Variants in DESI1 observed in about 807,000 individuals in gnomAD.
DESI1 encodes the protein PPPDE peptidase domain containing 2.
Under a neutral mutation model 22.4 loss-of-function variants are expected in DESI1, and 17 were observed. That is an observed-to-expected ratio of 0.76 (90% CI 0.52 to 1.14). The LOEUF is 1.14. DESI1 is among the 50% of genes most tolerant of loss of function. The pLI is 0.00. For missense variants in DESI1, 177 were observed against 208.9 expected (o/e 0.85, Z 0.94); for synonymous variants, 92 against 84.2 (o/e 1.09, Z -0.51).
intron 1 of DESI1, 61 bp downstream of exon 1, chr22:41,620,691 C>A: frequency 6.6e-7 from 1 of 1,520,588 alleles, no homozygotes. Flanking sequence ...CCCACCTCGG[C>A]CAGCCGCCAC....
At chr22:41,603,921 CA>C in intron 4 of DESI1, 122 bp downstream of exon 4, 1 of 800,014 alleles carries the variant, frequency 1.2e-6, no homozygotes, top group Non-Finnish European at 1.9e-6. Flanking sequence ...GTTAATTCAG[CA>C]AAAAACTGGG....
chr22:41,612,328 G>A (rs575697017), intron 1 of DESI1, among the ~76,000 whole-genome samples: 7 of 151,898 alleles, frequency 4.6e-5, no homozygotes, highest in Non-Finnish European at 1.0e-4. Context: ...GGCCAACATG[G>A]TGAAACCCCA....
At chr22:41,602,786 G>A (rs898057828) in intron 5 of DESI1, 44 of 1,027,666 alleles carry the variant, frequency 4.3e-5, no homozygotes, top group Non-Finnish European at 5.0e-5. Flanking sequence ...AGACTGTGCT[G>A]TAATACATGA....
chr22:41,605,104 C>G (rs1409605937), intron 3 of DESI1, among the ~76,000 whole-genome samples: 1 of 152,178 alleles, frequency 6.6e-6, no homozygotes, highest in Non-Finnish European at 1.5e-5. Flanking sequence ...GGCCATCTCT[C>G]CATGCCTATT....
In DESI1 at chr22:41,603,386, A is replaced by C. The variant is rs1172397671; in HGVS notation, c.291-5T>G. Reference sequence around the variant, plus strand: ...AAGAGGTTGTAGGCCTCACCTCTGTACATTGAAAGGTTTGCAGAACATATA... The same window carrying C: ...AAGAGGTTGTAGGCCTCACCTCTGTCCATTGAAAGGTTTGCAGAACATATA... On this transcript the variant is annotated splice_region_variant and splice_polypyrimidine_tract_variant and intron_variant, in intron 4 of 5. Transcript: ENST00000263256. The C allele has an allele frequency of 6.2e-6, 10 of 1,614,212 alleles. No homozygotes were observed. Among genetic ancestry groups the C allele is most frequent in the South Asian group, 1.1e-5 (1 of 91,086 alleles).
At chr22:41,606,965 A>AGG (rs1235187790) in intron 3 of DESI1, among the ~76,000 whole-genome samples, 3 of 151,968 alleles carry the variant, frequency 2.0e-5, no homozygotes, top group Admixed American at 1.3e-4. Flanking sequence ...GACACTGTGC[A>AGG]GGGGATGGAG....
intron 5 of DESI1, chr22:41,602,876 C>T (rs1051994422): frequency 4.3e-6 from 4 of 936,408 alleles, no homozygotes; most frequent in Admixed American, 4.6e-5. Flanking sequence ...ACAAAACAAG[C>T]CCCCCTACTA....
At chr22:41,612,283 C>T (rs990599007) in intron 1 of DESI1, among the ~76,000 whole-genome samples, 3 of 151,668 alleles carry the variant, frequency 2.0e-5, no homozygotes, top group Non-Finnish European at 3.0e-5. Context: ...CAGAGGCGGG[C>T]GGATCACCTG....
In DESI1 at chr22:41,600,881, A is replaced by AAT; in HGVS notation, c.*215_*216insAT. The stretch of plus-strand genomic sequence containing the variant: ...AACGCACAGACAAGACAGCCTTAAT[A>AAT]AATTAGTATAATACTATTAGAAGGG... On this transcript the variant is annotated 3_prime_UTR_variant, in exon 6 of 6. Transcript: ENST00000263256. The AAT allele has an allele frequency of 1.9e-6, 1 of 530,398 alleles. No individual in the cohort carries two copies. The highest frequency in any genetic ancestry group is 2.2e-5 in the South Asian group (1 of 45,404). The allele number at this position is 530,398 out of a possible 1,614,324, so 32.9% of individuals were successfully genotyped here. A position where few individuals can be genotyped will look rare whatever the true frequency, so the allele number is the denominator to read the frequency against.
intron 1 of DESI1, among the ~76,000 whole-genome samples, chr22:41,615,070 G>A (rs1168231056): frequency 2.0e-5 from 3 of 150,520 alleles, no homozygotes; most frequent in Non-Finnish European, 4.4e-5. Context: ...AGGCTGAGGC[G>A]GGCGGATCAC....
chr22:41,611,691 C>T (rs2067518502), intron 1 of DESI1, among the ~76,000 whole-genome samples: 2 of 149,344 alleles, frequency 1.3e-5, no homozygotes, highest in South Asian at 4.2e-4. Flanking sequence ...CTCCCAGGTT[C>T]AAGTGATTCT....
Position 41,620,955 on chromosome 22 carries a change from C to T in DESI1, c.-116G>A, listed in dbSNP as rs2067591777. The T allele has an allele frequency of 1.7e-6, 2 of 1,183,958 alleles. No homozygotes were observed. The highest frequency in any genetic ancestry group is 1.2e-6 in the Non-Finnish European group (1 of 844,676). The allele number at this position is 1,183,958 out of a possible 1,614,324, so 73.3% of individuals were successfully genotyped here. A position where few individuals can be genotyped will look rare whatever the true frequency, so the allele number is the denominator to read the frequency against. On this transcript the variant is annotated 5_prime_UTR_variant, in exon 1 of 6. Transcript: ENST00000263256. ...GGAGAGGGGGGGACCGAGCCCGGGC[C>T]CGGGCTGAGGGGTGGGGGAGAGGCC...
chr22:41,607,425 G>T, intron 2 of DESI1, 94 bp from the exon 3 acceptor site: 3 of 1,262,472 alleles, frequency 2.4e-6, no homozygotes, highest in Non-Finnish European at 3.3e-6. Flanking sequence ...TCTGCCCAAG[G>T]ATAGGACTGT....
intron 1 of DESI1, among the ~76,000 whole-genome samples, chr22:41,616,250 A>C (rs1242459940): frequency 2.0e-5 from 3 of 152,214 alleles, no homozygotes; most frequent in Non-Finnish European, 4.4e-5. Context: ...CCTCAAAAAA[A>C]GAAAAATTCC....
In DESI1 at chr22:41,598,932, G is replaced by A. The variant is rs2067434836; in HGVS notation, c.*2165C>T. ...TATTTCCATGCACACTGGCAAATCAGTGGGTCTTGAGAAGAATTAAACTTT... is the reference window on the plus strand; with the variant it reads ...TATTTCCATGCACACTGGCAAATCAATGGGTCTTGAGAAGAATTAAACTTT... On this transcript the variant is annotated 3_prime_UTR_variant, in exon 6 of 6. Coordinates refer to ENST00000263256, the MANE Select transcript of DESI1 (RefSeq NM_015704.3). 1 of 152,260 alleles carries A rather than the reference G, an allele frequency of 6.6e-6. No homozygotes were observed. Among genetic ancestry groups the A allele is most frequent in the Non-Finnish European group, 1.5e-5 (1 of 68,058 alleles). 9.4% of individuals were successfully genotyped at this position (152,260 alleles called of 1,614,324 possible).
intron 4 of DESI1, 96 bp downstream of exon 4, chr22:41,603,948 A>T: frequency 1.8e-6 from 2 of 1,094,138 alleles, no homozygotes; most frequent in Non-Finnish European, 2.6e-6. Flanking sequence ...CCTTGTGCTG[A>T]GTGATAAGGA....
intron 1 of DESI1, among the ~76,000 whole-genome samples, chr22:41,612,831 T>G (rs1342615298): frequency 6.6e-6 from 1 of 151,136 alleles, no homozygotes; most frequent in Non-Finnish European, 1.5e-5. Flanking sequence ...GCTCAAGTGA[T>G]CCTCCCACCT....
At chr22:41,605,578 G>T (rs2067474414) in intron 3 of DESI1, among the ~76,000 whole-genome samples, 1 of 152,200 alleles carries the variant, frequency 6.6e-6, no homozygotes. Context: ...TCTCAGAGTT[G>T]TAAGAAACTA....
chr22:41,620,741 T>A lies in DESI1; in HGVS notation c.88+11A>T. ...CCCGCCCTCCTGCCCACCTGGCCCCTTCCCCCTCACCCAGCATGATGGGGC... is the reference window on the plus strand; with the variant it reads ...CCCGCCCTCCTGCCCACCTGGCCCCATCCCCCTCACCCAGCATGATGGGGC... On this transcript the variant is annotated intron_variant, in intron 1 of 5. Coordinates refer to ENST00000263256, the MANE Select transcript of DESI1 (RefSeq NM_015704.3). 2 of 1,602,152 alleles carry A rather than the reference T, an allele frequency of 1.2e-6. No homozygotes were observed. Among genetic ancestry groups the A allele is most frequent in the Non-Finnish European group, 1.7e-6 (2 of 1,174,722 alleles).
Sources: gnomAD v4.1 joint callset for allele counts (sites outside exome capture counted in the v4.1 genomes callset) on GRCh38, gnomAD v4.1.1 for gene constraint, MANE v1.5 for transcripts, NCBI Gene and HGNC (gene_info 2026-07-23, HGNC 2026-07-21) for gene names.